The following MED22 variants were observed in gnomAD, a reference collection of about 807,000 sequenced individuals.
MED22 encodes the protein mediator complex subunit 22.
In MED22, 22 loss-of-function variants were observed where a neutral mutation model predicts 22.7. That is an observed-to-expected ratio of 0.97 (90% confidence interval 0.69 to 1.38). The LOEUF is 1.38. Among genes scored for constraint, MED22 ranks in the 40% most tolerant of loss-of-function variants. The pLI is 0.00. For missense variants in MED22, 247 were observed against 263.0 expected (o/e 0.94, Z 0.42); for synonymous variants, 134 against 119.4 (o/e 1.12, Z -0.80).
Position 133,346,527 on chromosome 9 carries a change from A to G in MED22, c.123+13T>C. ...CAGACTCTGCTCCCCTTGGTGGGCC[A>G]CCCCACCCCCACCTTGGCGGTCTTG... is the stretch of plus-strand genomic sequence containing the variant. On this transcript the variant is annotated intron_variant, in intron 2 of 4. Coordinates refer to ENST00000343730, the MANE Select transcript of MED22 (RefSeq NM_133640.5). 1 of 1,607,190 alleles carries G rather than the reference A, an allele frequency of 6.2e-7. No individual in the cohort carries two copies. The highest frequency in any genetic ancestry group is 8.5e-7 in the Non-Finnish European group (1 of 1,178,778).
At chr9:133,342,442 C>T (rs1390512787) in intron 4 of MED22, 23 of 985,976 alleles carry the variant, frequency 2.3e-5, no homozygotes, top group Non-Finnish European at 2.8e-5. Flanking sequence ...CAGAACCGTC[C>T]TGGGCACAGA....
At chr9:133,344,074 C>A in intron 4 of MED22, 51 bp downstream of exon 4, 1 of 1,604,636 alleles carries the variant, frequency 6.2e-7, no homozygotes, top group Non-Finnish European at 8.5e-7. Flanking sequence ...GCTGGCCAGG[C>A]CCAGGTAGGC....
Position 133,341,478 on chromosome 9 carries a change from C to T in MED22, c.*27G>A. ...CAAAGGGCTGCCTCAGGTTTTGTTC[C>T]TGAGAACGAAGCGTGGCCCCGGAGG... is the stretch of plus-strand genomic sequence containing the variant. On this transcript the variant is annotated 3_prime_UTR_variant, in exon 5 of 5. Transcript: ENST00000343730. 1 of 1,466,520 alleles carries T rather than the reference C, an allele frequency of 6.8e-7. No individual in the cohort carries two copies. Among genetic ancestry groups the T allele is most frequent in the Non-Finnish European group, 9.0e-7 (1 of 1,116,714 alleles). 90.8% of individuals were successfully genotyped at this position (1,466,520 alleles called of 1,614,324 possible). A position where few individuals can be genotyped will look rare whatever the true frequency, so the allele number is the denominator to read the frequency against.
At position 133,339,688 on chromosome 9, in the gene MED22, G is replaced by T; in HGVS notation, c.*1817C>A. ...CCACTGCCCTCAAAATAAAAAGCTT[G>T]GGATAAAAGAGTTACATGGACTGAG... On this transcript the variant is annotated 3_prime_UTR_variant, in exon 5 of 5. Coordinates refer to ENST00000343730, the MANE Select transcript of MED22 (RefSeq NM_133640.5). The T allele has an allele frequency of 3.1e-6, 1 of 319,096 alleles. No homozygotes were observed. The highest frequency in any genetic ancestry group is 5.9e-6 in the Non-Finnish European group (1 of 169,020). 19.8% of individuals were successfully genotyped at this position (319,096 alleles called of 1,614,324 possible).
In MED22 at chr9:133,338,779, T is replaced by C. The variant is rs2129941548; in HGVS notation, c.*2726A>G. 7 of 353,744 alleles carry C rather than the reference T, an allele frequency of 2.0e-5. No individual in the cohort carries two copies. Among genetic ancestry groups the C allele is most frequent in the Non-Finnish European group, 3.3e-5 (6 of 181,978 alleles). The allele number at this position is 353,744 out of a possible 1,614,324, so 21.9% of individuals were successfully genotyped here. ...TTTTAGTAGAGACGGGGTTTCTCCA[T>C]GTTGCCCAGGCTGGTCTCAAAACTT... On this transcript the variant is annotated 3_prime_UTR_variant, in exon 5 of 5. Transcript: ENST00000343730.
chr9:133,343,224 G>C, intron 4 of MED22: 1 of 1,170,162 alleles, frequency 8.5e-7, no homozygotes, highest in Non-Finnish European at 1.1e-6. Context: ...TGGGCAGAAA[G>C]GAGTATTTTA....
chr9:133,343,838 G>A, intron 4 of MED22: 1 of 1,411,982 alleles, frequency 7.1e-7, no homozygotes. Context: ...AGGGCCTGCG[G>A]GGGATACAGC....
intron 1 of MED22, chr9:133,347,076 G>A (rs2129970856): frequency 5.2e-6 from 1 of 192,598 alleles, no homozygotes; most frequent in Non-Finnish European, 1.0e-5. Flanking sequence ...CCTCCCATCC[G>A]AAGAGTCCTT....
chr9:133,344,750 C>G (rs1471353046), intron 3 of MED22, among the ~76,000 whole-genome samples: 1 of 152,166 alleles, frequency 6.6e-6, no homozygotes, highest in Non-Finnish European at 1.5e-5. Context: ...GGACGTGCAC[C>G]TGCGGAATTA....
At chr9:133,342,337 C>G in intron 4 of MED22, 2 of 986,132 alleles carry the variant, frequency 2.0e-6, no homozygotes, top group Non-Finnish European at 2.4e-6. Context: ...AATCCACGCT[C>G]GCCTCTTTCT....
In MED22 at chr9:133,347,976, G is replaced by T; in HGVS notation, c.-93C>A. On this transcript the variant is annotated 5_prime_UTR_variant, in exon 1 of 5. Transcript: ENST00000343730. ...CGTCCGCCGGGTCGGCCTAGGGCGG[G>T]GTGGTCAAGTGCCTCTGCGACCCGC... The T allele has an allele frequency of 2.0e-6, 1 of 509,862 alleles. No individual in the cohort carries two copies. Among genetic ancestry groups the T allele is most frequent in the South Asian group, 2.0e-5 (1 of 49,170 alleles). 31.6% of individuals were successfully genotyped at this position (509,862 alleles called of 1,614,324 possible).
At chr9:133,341,973 C>T in intron 4 of MED22, 3 of 1,238,520 alleles carry the variant, frequency 2.4e-6, no homozygotes, top group Non-Finnish European at 3.0e-6. Flanking sequence ...CCTGCCCAGC[C>T]TCCACGTGGG....
Position 133,341,636 on chromosome 9 carries a change from G to C in MED22, c.472C>G (p.Leu158Val), listed in dbSNP as rs1168075462. ...AGGCCATCAGCAGAGTCTGTGTCGAGGTCCAGCCTCCCGTAAGCTTCGCAC... is the reference window on the plus strand; with the variant it reads ...AGGCCATCAGCAGAGTCTGTGTCGACGTCCAGCCTCCCGTAAGCTTCGCAC... ...PLCEAYGRLD[L>V]DTDSADGLSA... The change falls in exon 5 of 5, where the codon CTC becomes GTC. Residue 158 changes from leucine (L) to valine (V), a missense_variant. By Grantham distance (32) the Leu-to-Val change is conservative (BLOSUM62 1). Transcript: ENST00000343730. 2.5e-6 allele frequency: 4 copies of C among 1,605,900 alleles called. No individual in the cohort carries two copies. Among genetic ancestry groups the C allele is most frequent in the Non-Finnish European group, 3.4e-6 (4 of 1,176,660 alleles).
Position 133,348,003 on chromosome 9 carries a change from C to T in MED22, c.-120G>A, listed in dbSNP as rs1422342566. 2 of 596,802 alleles carry T rather than the reference C, an allele frequency of 3.4e-6. No homozygotes were observed. The highest frequency in any genetic ancestry group is 6.0e-6 in the Non-Finnish European group (2 of 335,990). The allele number at this position is 596,802 out of a possible 1,614,324, so 37.0% of individuals were successfully genotyped here. A position where few individuals can be genotyped will look rare whatever the true frequency, so the allele number is the denominator to read the frequency against. On this transcript the variant is annotated 5_prime_UTR_variant, in exon 1 of 5. The change creates a new upstream start codon in the 5' untranslated region. Coordinates refer to ENST00000343730, the MANE Select transcript of MED22 (RefSeq NM_133640.5). ...TGGTCAAGTGCCTCTGCGACCCGCA[C>T]TTTCCCGCGTCTCTCCCACGGCCTG...
chr9:133,342,513 AG>A (rs1418708859), intron 4 of MED22: 3 of 986,882 alleles, frequency 3.0e-6, no homozygotes, highest in Non-Finnish European at 3.6e-6. Context: ...ACAAGCAGAG[AG>A]GGGGCAGGCG....
At chr9:133,343,242 C>T (rs1424609512) in intron 4 of MED22, 1 of 1,200,202 alleles carries the variant, frequency 8.3e-7, no homozygotes, top group Non-Finnish European at 1.0e-6. Context: ...TTAAATCCAC[C>T]ACCAGGAAGG....
At position 133,339,339 on chromosome 9, in the gene MED22, G is replaced by A. The variant is rs2129942555; in HGVS notation, c.*2166C>T. 2.8e-6 allele frequency: 2 copies of A among 719,146 alleles called. No homozygotes were observed. The highest frequency in any genetic ancestry group is 1.8e-5 in the Admixed American group (1 of 56,206). 44.5% of individuals were successfully genotyped at this position (719,146 alleles called of 1,614,324 possible). ...GGAAAATGATCAGAAAAAGAGGGAA[G>A]CCAAAGAGAAAGGTACCTGGATTCA... On this transcript the variant is annotated 3_prime_UTR_variant, in exon 5 of 5. Transcript: ENST00000343730.
chr9:133,344,366 T>G (rs1588679776), intron 3 of MED22, 33 bp from the exon 4 acceptor site: 1 of 1,610,254 alleles, frequency 6.2e-7, no homozygotes, highest in Non-Finnish European at 8.5e-7. Context: ...GGGCACAGGG[T>G]GAGGGGGGAC....
intron 4 of MED22, chr9:133,343,806 C>A (rs982112468): frequency 2.9e-6 from 4 of 1,398,324 alleles, no homozygotes; most frequent in East Asian, 5.1e-5. Context: ...ACGCACTGCC[C>A]GAGGAGGAAG....
Sources: gnomAD v4.1 joint callset for allele counts (sites outside exome capture counted in the v4.1 genomes callset) on GRCh38, gnomAD v4.1.1 for gene constraint, MANE v1.5 for transcripts, NCBI Gene and HGNC (gene_info 2026-07-23, HGNC 2026-07-21) for gene names.